Variants in N4BP1 observed in about 807,000 individuals in gnomAD.
N4BP1 encodes NEDD4-binding protein 1.
In N4BP1, 21 loss-of-function variants were observed where a neutral mutation model predicts 70.9. The observed-to-expected ratio is 0.30, with a 90% CI of 0.21 to 0.43. The LOEUF (loss-of-function observed/expected upper bound fraction) is 0.43, where lower values mean the gene tolerates loss of function less well. Among genes scored for constraint, N4BP1 ranks in the 20% least tolerant of loss-of-function variants. The pLI is 1.00. For missense variants in N4BP1, 936 were observed against 1,069.4 expected (o/e 0.88, Z 1.74); for synonymous variants, 387 against 394.6 (o/e 0.98, Z 0.23).
Position 48,561,623 on chromosome 16 carries a change from TTC to T in N4BP1, c.1018_1019del (p.Glu340AsnfsTer3). ...TGTTGTATTCCATTTCCTCAGTAGT[TTC>T]TTTTATATCTGGACTTAAATTTTCA... is the stretch of plus-strand genomic sequence containing the variant. ...DSENLSPDIKETTEEMEYNIL... is the reference protein window; with the variant it reads ...DSENLSPDIKXTTEEMEYNIL... On this transcript the variant is annotated frameshift_variant, in exon 2 of 7. Transcript: ENST00000262384. LOFTEE classifies it high-confidence loss of function. The T allele has an allele frequency of 6.2e-7, 1 of 1,613,286 alleles. No homozygotes were observed. Among genetic ancestry groups the T allele is most frequent in the Non-Finnish European group, 8.5e-7 (1 of 1,179,766 alleles).
At chr16:48,556,078 T>A (rs1963748108) in intron 2 of N4BP1, among the ~76,000 whole-genome samples, 1 of 152,132 alleles carries the variant, frequency 6.6e-6, no homozygotes, top group Non-Finnish European at 1.5e-5. Context: ...CTTACAAGTC[T>A]AGAGGGGGAA....
chr16:48,561,286 G>C lies in N4BP1; in HGVS notation c.1357C>G (p.Pro453Ala), dbSNP rs780962229. 6.2e-7 allele frequency: 1 copy of C among 1,613,842 alleles called. No homozygotes were observed. Among genetic ancestry groups the C allele is most frequent in the Non-Finnish European group, 8.5e-7 (1 of 1,179,832 alleles). ...SQLPFKVEAK[P>A]CTSNCRINTF... The stretch of plus-strand genomic sequence containing the variant: ...TTAATTCTACAATTTGAGGTACATG[G>C]TTTAGCTTCCACTTTGAATGGTAAC... Residue 453 changes from proline (P) to alanine (A), a missense_variant, in exon 2 of 7, where the codon CCA (proline) becomes GCA (alanine). Physicochemically the swap from Pro to Ala is conservative, Grantham distance 27. Transcript: ENST00000262384.
intron 5 of N4BP1, among the ~76,000 whole-genome samples, chr16:48,547,730 T>C (rs1202271820): frequency 6.6e-6 from 1 of 152,192 alleles, no homozygotes; most frequent in Non-Finnish European, 1.5e-5. Flanking sequence ...TCCTGCTTCA[T>C]GCAACAAAAC....
At chr16:48,547,943 G>A in intron 5 of N4BP1, 64 bp downstream of exon 5, 2 of 1,072,436 alleles carry the variant, frequency 1.9e-6, no homozygotes, top group Non-Finnish European at 2.9e-6. Context: ...CGAACAAAAT[G>A]CACACAGAAA....
intron 1 of N4BP1, among the ~76,000 whole-genome samples, chr16:48,577,188 CAA>C (rs1453101222): frequency 2.0e-5 from 3 of 152,130 alleles, no homozygotes; most frequent in African/African-American, 7.2e-5. Context: ...ATGCCAAGCC[CAA>C]AGTCTCCTCC....
intron 1 of N4BP1, among the ~76,000 whole-genome samples, chr16:48,609,030 C>A (rs1964631318): frequency 7.4e-6 from 1 of 135,828 alleles, no homozygotes; most frequent in African/African-American, 2.8e-5. Context: ...GCCCGGGCAA[C>A]ATAGTGAAAT....
chr16:48,591,220 A>T (rs1375242307), intron 1 of N4BP1, among the ~76,000 whole-genome samples: 2 of 152,210 alleles, frequency 1.3e-5, no homozygotes, highest in African/African-American at 4.8e-5. Context: ...TGACAGTGGC[A>T]GCCCAGGTTG....
chr16:48,591,886 G>GTT (rs1555499240), intron 1 of N4BP1, among the ~76,000 whole-genome samples: 2,616 of 112,074 alleles, frequency 0.023, 74 homozygotes, highest in African/African-American at 0.086. Flanking sequence ...GTTACCTGAC[G>GTT]TTTTTTTTTT....
chr16:48,574,897 G>A (rs561811613), intron 1 of N4BP1, among the ~76,000 whole-genome samples: 3 of 152,334 alleles, frequency 2.0e-5, no homozygotes, highest in East Asian at 3.9e-4. Flanking sequence ...TGTGCTGGAA[G>A]TGTGGAAGTA....
intron 6 of N4BP1, among the ~76,000 whole-genome samples, chr16:48,544,116 A>G (rs1203099042): frequency 4.6e-5 from 7 of 152,232 alleles, no homozygotes; most frequent in Non-Finnish European, 7.3e-5. Flanking sequence ...GGGAAGCAAA[A>G]TGAGATGGAC....
Position 48,542,952 on chromosome 16 carries a change from G to A in N4BP1, c.2643C>T (p.His881=). ...RLKIDQILVA[H]PYMKDLNALS... ...GCGCATTTAGATCTTTCATGTATGGGTGGGCCACCAAGATCTGGTCTATTT... is the reference window on the plus strand; with the variant it reads ...GCGCATTTAGATCTTTCATGTATGGATGGGCCACCAAGATCTGGTCTATTT... The change falls in exon 7 of 7, where the codon CAC becomes CAT. Residue 881 remains histidine (H), a synonymous_variant. Transcript: ENST00000262384. 1 of 1,613,658 alleles carries A rather than the reference G, an allele frequency of 6.2e-7. No individual in the cohort carries two copies. The highest frequency in any genetic ancestry group is 8.5e-7 in the Non-Finnish European group (1 of 1,179,610).
At chr16:48,607,756 C>G (rs1428888769) in intron 1 of N4BP1, among the ~76,000 whole-genome samples, 2 of 152,202 alleles carry the variant, frequency 1.3e-5, no homozygotes, top group Non-Finnish European at 2.9e-5. Flanking sequence ...GGAGAATGGA[C>G]GAAGGGGAAT....
At chr16:48,546,070 T>C in intron 6 of N4BP1, 77 bp downstream of exon 6, 2 of 906,212 alleles carry the variant, frequency 2.2e-6, no homozygotes, top group Middle Eastern at 2.2e-4. Context: ...TTTTAGTCTA[T>C]AAAGACAGCA....
rs550441801 is a variant in N4BP1, at chr16:48,595,200, G to A, written c.198+14575C>T. ...TTCAAAGCCAAATGTGGTGGCTCAC[G>A]CCTGTAATCCCAGCACTTTGGGAGG... On this transcript the variant is annotated intron_variant, in intron 1 of 6. Transcript: ENST00000262384. Among the ~76,000 whole-genome samples, 14 of 151,956 alleles carry A rather than the reference G, an allele frequency of 9.2e-5. No individual in the cohort carries two copies. The South Asian group carries it at 2.9e-3, about 32-fold the overall frequency.
At chr16:48,588,285 C>T (rs1336046535) in intron 1 of N4BP1, among the ~76,000 whole-genome samples, 6 of 143,478 alleles carry the variant, frequency 4.2e-5, no homozygotes, top group African/African-American at 1.6e-4. Flanking sequence ...CAATGTCATA[C>T]TATGTTTTCT....
rs185101783 is a variant in N4BP1 at position 48,569,455 on chromosome 16, C to T, written c.199-7011G>A. 3.3e-3 allele frequency among the ~76,000 whole-genome samples: 497 copies of T among 152,210 alleles called. 2 individuals carry two copies. The highest frequency in any genetic ancestry group is 0.011 in the African/African-American group (458 of 41,526). On this transcript the variant is annotated intron_variant, in intron 1 of 6. Transcript: ENST00000262384. ...TCACCTAGGCTGGAGTGCAGTGGTG[C>T]CATCATAGCTCACTGCAGCCTCAAC...
chr16:48,551,243 T>C, intron 4 of N4BP1, 143 bp downstream of exon 4: 1 of 541,550 alleles, frequency 1.8e-6, no homozygotes, highest in Admixed American at 3.0e-5. Context: ...CAAATATCAC[T>C]GAGCATATCA....
At chr16:48,558,142 T>G (rs1963784726) in intron 2 of N4BP1, among the ~76,000 whole-genome samples, 1 of 152,156 alleles carries the variant, frequency 6.6e-6, no homozygotes, top group African/African-American at 2.4e-5. Flanking sequence ...GGGTAAATCT[T>G]AATTACTGAT....
chr16:48,552,551 A>G lies in N4BP1; in HGVS notation c.2020+988T>C, dbSNP rs1413844177. ...CGTTTCTACTAAAAATACAAAAATTAGCCGGGCGTGGTGGTGCGTGCCTGC... is the reference window on the plus strand; with the variant it reads ...CGTTTCTACTAAAAATACAAAAATTGGCCGGGCGTGGTGGTGCGTGCCTGC... On this transcript the variant is annotated intron_variant, in intron 3 of 6. Transcript: ENST00000262384. Among the ~76,000 whole-genome samples the G allele has an allele frequency of 3.3e-5, 5 of 151,516 alleles. No homozygotes were observed. In the East Asian group the frequency reaches 9.8e-4, roughly 30 times the overall value.
Sources: allele counts gnomAD v4.1 joint callset (sites outside exome capture counted in the v4.1 genomes callset), GRCh38; gene constraint gnomAD v4.1.1; transcripts MANE v1.5; gene names NCBI Gene and HGNC (gene_info 2026-07-23, HGNC 2026-07-21).